Variants in PTPRS observed in about 807,000 individuals in gnomAD.
PTPRS encodes the protein protein tyrosine phosphatase receptor type S, also known as receptor-type tyrosine-protein phosphatase S.
Under a neutral mutation model 215.3 loss-of-function variants are expected in PTPRS, and 63 were observed. That is an observed-to-expected ratio of 0.29 (90% CI 0.24 to 0.36). The LOEUF (loss-of-function observed/expected upper bound fraction) is 0.36. PTPRS is among the 10% of genes least tolerant of loss of function. The pLI is 1.00. For synonymous variants in PTPRS, 1,404 were observed against 1,191.4 expected, an observed-to-expected ratio of 1.18 and a Z score of -3.68; for missense variants, 2,258 against 2,825.8, an observed-to-expected ratio of 0.80 and a Z score of 4.56.
rs1355562282 is a variant in PTPRS at position 5,240,191 on chromosome 19, T to C, written c.1704+8A>G. ...AGGGCAGGCCAGCCCGTCCCCGCGC[T>C]GCCTCACCTCCCGGCCATGGTCGCC... On this transcript the variant is annotated splice_region_variant and intron_variant, in intron 12 of 37. Transcript: ENST00000262963. The C allele has an allele frequency of 1.3e-6, 2 of 1,534,874 alleles. No homozygotes were observed. The highest frequency in any genetic ancestry group is 1.8e-6 in the Non-Finnish European group (2 of 1,139,840).
At chr19:5,327,560 T>C (rs908388059) in intron 1 of PTPRS, among the ~76,000 whole-genome samples, 5 of 152,124 alleles carry the variant, frequency 3.3e-5, no homozygotes, top group Non-Finnish European at 5.9e-5. Context: ...TCTCCACCTG[T>C]CTGGCCAGAC....
intron 23 of PTPRS, 78 bp downstream of exon 23, chr19:5,219,230 TTC>T (rs2041759843): frequency 3.2e-6 from 5 of 1,555,974 alleles, no homozygotes; most frequent in Non-Finnish European, 4.4e-6. Context: ...TTAGTGATGA[TTC>T]TCTGAGACAA....
rs746059446 is a variant in PTPRS, at chr19:5,207,998, C to T, written c.5702G>A (p.Arg1901Gln). 7 of 1,613,982 alleles carry T rather than the reference C, an allele frequency of 4.3e-6. No individual in the cohort carries two copies. Among genetic ancestry groups the T allele is most frequent in the South Asian group, 1.1e-5 (1 of 91,094 alleles). ...AAAGATGTCCACCACGCCTTCATAC[C>T]GCATCCGCTCCAGCACGATGCTAAG... Reference protein sequence around the residue: ...ITLSIVLERMRYEGVVDIFQT... With the variant: ...ITLSIVLERMQYEGVVDIFQT... The change falls in exon 37 of 38, where the codon CGG becomes CAG. Residue 1901 changes from arginine to glutamine, a missense_variant. By Grantham distance (43) the Arg-to-Gln change is conservative. This residue lies in a region of PTPRS where 89 missense variants were observed against 104.0 expected (regional missense o/e 0.86). Transcript: ENST00000262963.
intron 2 of PTPRS, 55 bp downstream of exon 2, chr19:5,285,995 T>G (rs2048321438): frequency 2.6e-6 from 4 of 1,535,724 alleles, no homozygotes; most frequent in Non-Finnish European, 3.6e-6. Context: ...CAGCCATAAA[T>G]GCACACAGGT....
chr19:5,320,708 G>A (rs2050003290), intron 1 of PTPRS, among the ~76,000 whole-genome samples: 1 of 152,088 alleles, frequency 6.6e-6, no homozygotes, highest in African/African-American at 2.4e-5. Flanking sequence ...TTACAGGCGT[G>A]AGCCACCACG....
intron 13 of PTPRS, among the ~76,000 whole-genome samples, chr19:5,233,844 G>A (rs987589367): frequency 6.7e-6 from 1 of 148,302 alleles, no homozygotes; most frequent in African/African-American, 2.5e-5. Flanking sequence ...TACTCGGGAG[G>A]CTGAGGCAGG....
At chr19:5,319,878 C>T (rs2049979125) in intron 1 of PTPRS, among the ~76,000 whole-genome samples, 1 of 152,056 alleles carries the variant, frequency 6.6e-6, no homozygotes, top group Admixed American at 6.6e-5. Flanking sequence ...CTCATGCCTC[C>T]CTCCCGAGTC....
intron 4 of PTPRS, among the ~76,000 whole-genome samples, chr19:5,267,485 C>T (rs568393216): frequency 6.6e-5 from 10 of 151,982 alleles, no homozygotes; most frequent in South Asian, 2.1e-4. Context: ...GGTGAAACCC[C>T]GTCTCTACTA....
chr19:5,276,061 G>C (rs530579660), intron 2 of PTPRS, among the ~76,000 whole-genome samples: 16 of 152,326 alleles, frequency 1.1e-4, no homozygotes, highest in Non-Finnish European at 2.2e-4. Context: ...CACAAACCAG[G>C]CAAGGGACTT....
intron 28 of PTPRS, 84 bp from the exon 29 acceptor site, chr19:5,214,820 C>G: frequency 2.2e-6 from 3 of 1,369,790 alleles, no homozygotes; most frequent in Non-Finnish European, 3.0e-6. Flanking sequence ...CCTGGAAGTT[C>G]ACTCTGACCG....
At chr19:5,235,002 G>A (rs149798769) in intron 13 of PTPRS, among the ~76,000 whole-genome samples, 1,505 of 149,808 alleles carry the variant, frequency 0.01, 26 homozygotes, top group African/African-American at 0.035. Flanking sequence ...GTGCAGTGGC[G>A]CGATCTCGGC....
At chr19:5,260,010 T>TC (rs2045861772) in intron 7 of PTPRS, among the ~76,000 whole-genome samples, 1 of 152,004 alleles carries the variant, frequency 6.6e-6, no homozygotes, top group Admixed American at 6.6e-5. Context: ...TTCCCCAGGT[T>TC]CCCACTCAGG....
chr19:5,245,282 G>A (rs566938668), intron 10 of PTPRS, among the ~76,000 whole-genome samples: 25 of 151,158 alleles, frequency 1.7e-4, no homozygotes, highest in Non-Finnish European at 2.8e-4. Flanking sequence ...GAGCCACCGC[G>A]CCTGGCCCAT....
In PTPRS at chr19:5,273,542, G is replaced by T. The variant is rs1599860070; in HGVS notation, c.279C>A (p.Ile93=). Residue 93 remains isoleucine, a synonymous_variant, in exon 4 of 38, where the codon ATC becomes ATA. Transcript: ENST00000262963. The part of the protein sequence containing the change: ...FDESAGAVLR[I]QPLRTPRDEN... ...CATCCCGCGGTGTCCTCAGCGGCTGGATCCTCAGCACTGCCCCTGCACTCT... is the reference window on the plus strand; with the variant it reads ...CATCCCGCGGTGTCCTCAGCGGCTGTATCCTCAGCACTGCCCCTGCACTCT... 2 of 1,614,164 alleles carry T rather than the reference G, an allele frequency of 1.2e-6. No homozygotes were observed. The highest frequency in any genetic ancestry group is 1.3e-5 in the African/African-American group (1 of 75,030).
intron 2 of PTPRS, among the ~76,000 whole-genome samples, chr19:5,282,430 C>T (rs1050635848): frequency 2.6e-5 from 4 of 152,152 alleles, no homozygotes; most frequent in Non-Finnish European, 5.9e-5. Context: ...GAGGGCGCCG[C>T]GCCTGCAGCT....
Position 5,244,592 on chromosome 19 carries a change from G to A in PTPRS, c.989-110C>T. On this transcript the variant is annotated intron_variant, in intron 10 of 37. Coordinates refer to ENST00000262963, the MANE Select transcript of PTPRS (RefSeq NM_002850.4). The surrounding 1 kb of genome is among the most constrained non-coding windows in gnomAD (Gnocchi z 7.2). ...CCTTCTCTGAGCCTTGATTTGCCCA[G>A]CAGTAATCATGGGCCTCATGACTCC... The A allele has an allele frequency of 1.1e-6, 1 of 876,930 alleles. No homozygotes were observed. The highest frequency in any genetic ancestry group is 2.6e-5 in the East Asian group (1 of 38,026). The allele number at this position is 876,930 out of a possible 1,614,324, so 54.3% of individuals were successfully genotyped here.
At chr19:5,316,659 C>A (rs889438809) in intron 1 of PTPRS, among the ~76,000 whole-genome samples, 2 of 152,198 alleles carry the variant, frequency 1.3e-5, no homozygotes, top group African/African-American at 4.8e-5. Context: ...TCCCAAAGTG[C>A]TGGGATTACA....
chr19:5,253,124 G>C lies in PTPRS; in HGVS notation c.718+2984C>G, dbSNP rs571877720. Among the ~76,000 whole-genome samples the C allele has an allele frequency of 3.3e-5, 5 of 152,274 alleles. No homozygotes were observed. The East Asian group carries it at 7.7e-4, about 23-fold the overall frequency. On this transcript the variant is annotated intron_variant, in intron 9 of 37. Transcript: ENST00000262963. ...TTCATAGTCAGGGAGAATATAATCT[G>C]ATCATCTTCCCACCTTGTCAAAAGT... is the stretch of plus-strand genomic sequence containing the variant.
At chr19:5,263,676 C>T (rs1001807000) in intron 5 of PTPRS, among the ~76,000 whole-genome samples, 29 of 152,250 alleles carry the variant, frequency 1.9e-4, no homozygotes, top group African/African-American at 6.8e-4. Context: ...CGTGTGCTCC[C>T]AATGTATGGA....
Sources: gnomAD v4.1 joint callset for allele counts (sites outside exome capture counted in the v4.1 genomes callset) on GRCh38, gnomAD v4.1.1 for gene constraint, gnomAD v4.1.1 regional missense constraint, Gnocchi (gnomAD v3.1) non-coding constraint, MANE v1.5 for transcripts, NCBI Gene and HGNC (gene_info 2026-07-23, HGNC 2026-07-21) for gene names.